CTNNA2: variants seen among roughly 807,000 people sequenced by gnomAD.
CTNNA2 encodes the protein catenin alpha 2, also known as catenin alpha-2.
CTNNA2 carries 42 observed loss-of-function variants against 101.0 expected under a neutral mutation model. The ratio of observed to expected loss-of-function variants is 0.42; its 90% confidence interval spans 0.32 to 0.54. CTNNA2 has a LOEUF of 0.54. Ranked by LOEUF, CTNNA2 falls within the 20% of genes least tolerant of loss-of-function variation. The pLI is 0.14. For missense variants in CTNNA2, 871 were observed against 1,223.1 expected (o/e 0.71, Z 4.29); for synonymous variants, 450 against 456.4 (o/e 0.99, Z 0.18).
At chr2:80,422,152 G>A (rs1173266061) in intron 9 of CTNNA2, among the ~76,000 whole-genome samples, 2 of 152,166 alleles carry the variant, frequency 1.3e-5, no homozygotes, top group Non-Finnish European at 2.9e-5. Flanking sequence ...CATATGTGGG[G>A]AGGCCTCACA....
In CTNNA2 at chr2:80,126,386, C is replaced by A. The variant is rs372005527; in HGVS notation, c.1056+216589C>A. Reference sequence around the variant, plus strand: ...CATAGAGTGAAAGTTAAGGGGAATCCTCAAGGGGAGATCTTCTCTGGCCCA... The same window carrying A: ...CATAGAGTGAAAGTTAAGGGGAATCATCAAGGGGAGATCTTCTCTGGCCCA... On this transcript the variant is annotated intron_variant, in intron 7 of 18. Coordinates refer to ENST00000402739, the MANE Select transcript of CTNNA2 (RefSeq NM_001282597.3). 7.2e-4 allele frequency among the ~76,000 whole-genome samples: 109 copies of A among 152,016 alleles called. No individual in the cohort carries two copies. In the East Asian group the frequency reaches 0.021, roughly 29 times the overall value.
chr2:80,041,571 G>A (rs1031471901), intron 7 of CTNNA2, among the ~76,000 whole-genome samples: 2 of 152,096 alleles, frequency 1.3e-5, no homozygotes, highest in Admixed American at 6.5e-5. Context: ...CATGACTAAT[G>A]CTATTGCTGT....
rs183927418 is a variant in CTNNA2, at chr2:79,964,345, C to G, written c.1056+54548C>G. ...AGGCTAATAGAGTTTAAGGCACTTA[C>G]TGATGATCTTCACAATATTGCTTAA... On this transcript the variant is annotated intron_variant, in intron 7 of 18. Transcript: ENST00000402739. 5.2e-4 allele frequency among the ~76,000 whole-genome samples: 79 copies of G among 152,014 alleles called. 1 individual carries two copies. The highest frequency in any genetic ancestry group is 1.7e-3 in the African/African-American group (72 of 41,478).
intron 2 of CTNNA2, among the ~76,000 whole-genome samples, chr2:79,256,484 C>T (rs1051021306): frequency 7.9e-5 from 12 of 152,122 alleles, no homozygotes; most frequent in Non-Finnish European, 1.3e-4. Context: ...ATAATTAAAA[C>T]ACAGTGAAGC....
chr2:79,439,660 G>A (rs1031473807), intron 4 of CTNNA2, among the ~76,000 whole-genome samples: 1 of 152,116 alleles, frequency 6.6e-6, no homozygotes, highest in African/African-American at 2.4e-5. Flanking sequence ...AGTCTGGGGT[G>A]GGGCCTGATA....
intron 3 of CTNNA2, among the ~76,000 whole-genome samples, chr2:79,758,030 A>T (rs1453146729): frequency 6.6e-6 from 1 of 152,188 alleles, no homozygotes; most frequent in Non-Finnish European, 1.5e-5. Flanking sequence ...TTGTAAAGTT[A>T]ATGACAAAAT....
chr2:79,873,976 A>T (rs1682799691), intron 5 of CTNNA2, 100 bp from the exon 6 acceptor site: 1 of 1,502,218 alleles, frequency 6.7e-7, no homozygotes, highest in Admixed American at 2.1e-5. Flanking sequence ...GGGTTTCTGA[A>T]GTTCAGTGTG....
chr2:79,403,885 A>C (rs1369278149), intron 4 of CTNNA2, among the ~76,000 whole-genome samples: 1 of 151,982 alleles, frequency 6.6e-6, no homozygotes, highest in Non-Finnish European at 1.5e-5. Flanking sequence ...TTAAGAATAG[A>C]TATCCTAGCA....
At chr2:79,971,421 T>C (rs1288054480) in intron 7 of CTNNA2, among the ~76,000 whole-genome samples, 1 of 152,136 alleles carries the variant, frequency 6.6e-6, no homozygotes, top group African/African-American at 2.4e-5. Context: ...GGCGGGTCTT[T>C]ATCTCCACAG....
intron 7 of CTNNA2, among the ~76,000 whole-genome samples, chr2:80,301,709 T>G (rs1341880897): frequency 6.6e-6 from 1 of 152,170 alleles, no homozygotes; most frequent in African/African-American, 2.4e-5. Flanking sequence ...ATTAATCTGA[T>G]AAGCTTTCTT....
At chr2:79,439,562 G>T (rs1387802092) in intron 4 of CTNNA2, among the ~76,000 whole-genome samples, 1 of 152,152 alleles carries the variant, frequency 6.6e-6, no homozygotes, top group Non-Finnish European at 1.5e-5. Flanking sequence ...TGGGTAGCTT[G>T]TTTGACATGT....
intron 2 of CTNNA2, among the ~76,000 whole-genome samples, chr2:79,260,384 G>A (rs553602790): frequency 6.6e-6 from 1 of 152,214 alleles, no homozygotes; most frequent in South Asian, 2.1e-4. Flanking sequence ...AAATTCTTCT[G>A]GCTCTGTTTG....
chr2:79,442,277 G>A (rs1346290225), intron 4 of CTNNA2, among the ~76,000 whole-genome samples: 2 of 152,028 alleles, frequency 1.3e-5, no homozygotes, highest in Non-Finnish European at 2.9e-5. Flanking sequence ...ATAAACTCTT[G>A]AAGAATAGAA....
intron 2 of CTNNA2, among the ~76,000 whole-genome samples, chr2:79,261,580 G>A (rs1277566512): frequency 6.6e-6 from 1 of 152,222 alleles, no homozygotes; most frequent in African/African-American, 2.4e-5. Flanking sequence ...CTTGCAGACA[G>A]CACCTTCCCA....
intron 7 of CTNNA2, among the ~76,000 whole-genome samples, chr2:80,260,272 G>A (rs1672507123): frequency 6.6e-6 from 1 of 152,152 alleles, no homozygotes; most frequent in Non-Finnish European, 1.5e-5. Flanking sequence ...GAAGATTGAT[G>A]TTCTTCCATT....
At chr2:79,987,628 A>G (rs1383335272) in intron 7 of CTNNA2, among the ~76,000 whole-genome samples, 1 of 152,224 alleles carries the variant, frequency 6.6e-6, no homozygotes, top group African/African-American at 2.4e-5. Context: ...TAAGACAATA[A>G]ATGATAGAAA....
At chr2:80,591,488 C>T (rs1696507831) in intron 15 of CTNNA2, among the ~76,000 whole-genome samples, 1 of 59,340 alleles carries the variant, frequency 1.7e-5, no homozygotes, top group Non-Finnish European at 4.0e-5. Context: ...TGCAAACAGA[C>T]AGCTGACTAG....
At chr2:80,266,833 C>T (rs1267259612) in intron 7 of CTNNA2, among the ~76,000 whole-genome samples, 1 of 152,170 alleles carries the variant, frequency 6.6e-6, no homozygotes, top group Non-Finnish European at 1.5e-5. Flanking sequence ...CAGCACAGAG[C>T]AGGCATCTTC....
chr2:79,235,566 A>T (rs903257574), intron 2 of CTNNA2, among the ~76,000 whole-genome samples: 2 of 152,144 alleles, frequency 1.3e-5, no homozygotes, highest in Non-Finnish European at 2.9e-5. Context: ...CGGTTGACAG[A>T]CTGGCCATAT....
Sources: allele counts gnomAD v4.1 joint callset (sites outside exome capture counted in the v4.1 genomes callset), GRCh38; gene constraint gnomAD v4.1.1; transcripts MANE v1.5; gene names NCBI Gene and HGNC (gene_info 2026-07-23, HGNC 2026-07-21).